The following ARID2 variants were observed in gnomAD, a reference collection of about 807,000 sequenced individuals.
ARID2 encodes the protein AT-rich interaction domain 2.
In ARID2, 32 loss-of-function variants were observed where a neutral mutation model predicts 184.6. That is an observed-to-expected ratio of 0.17 (90% CI 0.13 to 0.23). The LOEUF is 0.23. Ranked by LOEUF, ARID2 falls within the 10% of genes least tolerant of loss-of-function variation. ARID2 has a pLI of 1.00. For synonymous variants in ARID2, 836 were observed against 772.6 expected, an observed-to-expected ratio of 1.08 and a Z score of -1.36; for missense variants, 1,696 against 2,197.6, an observed-to-expected ratio of 0.77 and a Z score of 4.56.
At position 45,907,122 on chromosome 12, in the gene ARID2, C is replaced by T. The variant is rs1011726358; in HGVS notation, c.*2044C>T. On this transcript the variant is annotated 3_prime_UTR_variant, in exon 21 of 21. Transcript: ENST00000334344. ...AAGGTTGTGGAATTTATGCTTGGCC[C>T]ACCTTCCAAGACTGGCACTGCCCAA... The T allele has an allele frequency of 2.6e-5, 6 of 232,586 alleles. No homozygotes were observed. The highest frequency in any genetic ancestry group is 5.1e-5 in the Non-Finnish European group (6 of 117,742). The allele number at this position is 232,586 out of a possible 1,614,324, so 14.4% of individuals were successfully genotyped here.
At position 45,850,746 on chromosome 12, in the gene ARID2, G is replaced by A. The variant is rs760125078; in HGVS notation, c.2623G>A (p.Gly875Arg). Reference protein sequence around the residue: ...TSVQNFQVATGQMVTIAGVPS... With the variant: ...TSVQNFQVATRQMVTIAGVPS... ...AGTACAGAATTTTCAGGTAGCTACA[G>A]GACAAATGGTTACTATTGCTGGTGT... The change falls in exon 15 of 21, where the codon GGA becomes AGA. Residue 875 changes from glycine (G) to arginine (R), a missense_variant. This residue lies in a region of ARID2 where 713 missense variants were observed against 824.4 expected (regional missense o/e 0.86). Coordinates refer to ENST00000334344, the MANE Select transcript of ARID2 (RefSeq NM_152641.4). 4.3e-6 allele frequency: 7 copies of A among 1,613,938 alleles called. No individual in the cohort carries two copies. In the Admixed American group the frequency reaches 1.2e-4, roughly 27 times the overall value.
At chr12:45,832,426 G>C (rs1418441080) in intron 6 of ARID2, among the ~76,000 whole-genome samples, 1 of 151,994 alleles carries the variant, frequency 6.6e-6, no homozygotes, top group Non-Finnish European at 1.5e-5. Flanking sequence ...AAAATTTGGA[G>C]AGTTTTTCAC....
chr12:45,773,953 T>TC (rs1941929602), intron 3 of ARID2, among the ~76,000 whole-genome samples: 1 of 152,104 alleles, frequency 6.6e-6, no homozygotes, highest in Non-Finnish European at 1.5e-5. Flanking sequence ...TTATTTATCT[T>TC]CCCCTGTGAC....
intron 3 of ARID2, among the ~76,000 whole-genome samples, chr12:45,734,371 A>AAAAAT (rs919093651): frequency 2.6e-5 from 4 of 152,288 alleles, no homozygotes; most frequent in Admixed American, 6.5e-5. Flanking sequence ...TCTTTCTCAA[A>AAAAAT]AAAATAAAAT....
intron 3 of ARID2, among the ~76,000 whole-genome samples, chr12:45,800,966 C>T (rs922225630): frequency 6.6e-6 from 1 of 151,896 alleles, no homozygotes; most frequent in Admixed American, 6.6e-5. Context: ...AGTAAATAAA[C>T]GAGAGAGGAT....
chr12:45,776,552 G>GT (rs1941983477), intron 3 of ARID2, among the ~76,000 whole-genome samples: 1 of 152,198 alleles, frequency 6.6e-6, no homozygotes, highest in African/African-American at 2.4e-5. Context: ...ATCCTGTACT[G>GT]TGGGAGTATG....
intron 3 of ARID2, among the ~76,000 whole-genome samples, chr12:45,783,865 C>T (rs560383580): frequency 1.5e-4 from 20 of 136,580 alleles, no homozygotes; most frequent in African/African-American, 4.0e-4. Context: ...TAAACAAAGA[C>T]GAGAAAATTA....
intron 3 of ARID2, among the ~76,000 whole-genome samples, chr12:45,766,380 C>G (rs1451638611): frequency 2.0e-5 from 3 of 151,756 alleles, no homozygotes; most frequent in South Asian, 2.1e-4. Context: ...ATTGGCCGAG[C>G]TGGTCTTGAA....
chr12:45,858,809 A>G (rs919969608), intron 15 of ARID2, among the ~76,000 whole-genome samples: 5 of 152,258 alleles, frequency 3.3e-5, no homozygotes, highest in African/African-American at 7.2e-5. Flanking sequence ...TCCTCATCCT[A>G]TTTGTGATAT....
At chr12:45,857,585 G>A (rs753332750) in intron 15 of ARID2, among the ~76,000 whole-genome samples, 2 of 152,174 alleles carry the variant, frequency 1.3e-5, no homozygotes, top group Non-Finnish European at 1.5e-5. Context: ...ATGAGGAAAT[G>A]TTAGAGCTGA....
intron 5 of ARID2, among the ~76,000 whole-genome samples, chr12:45,820,759 A>C (rs1283163839): frequency 3.3e-5 from 5 of 152,340 alleles, no homozygotes; most frequent in Non-Finnish European, 7.3e-5. Context: ...AAAATAACAC[A>C]GGATGTACTT....
At chr12:45,809,769 TTTAA>T (rs1942669269) in intron 3 of ARID2, among the ~76,000 whole-genome samples, 1 of 152,218 alleles carries the variant, frequency 6.6e-6, no homozygotes, top group African/African-American at 2.4e-5. Context: ...AAAGGGACAG[TTTAA>T]TTCTTTTCCA....
chr12:45,842,010 C>G (rs1943349669), intron 11 of ARID2: 1 of 152,032 alleles, frequency 6.6e-6, no homozygotes, highest in Non-Finnish European at 1.5e-5. Context: ...ATAATCCCAG[C>G]ACTTTGGGAG....
rs771332266 is a variant in ARID2 at position 45,850,075 on chromosome 12, A to T, written c.1952A>T (p.Gln651Leu). The change falls in exon 15 of 21, where the codon CAG (glutamine) becomes CTG (leucine). Residue 651 changes from glutamine to leucine, a missense_variant. Physicochemically the swap from Gln to Leu is moderately radical, Grantham distance 113 (BLOSUM62 -2). This residue lies in a region of ARID2 where 713 missense variants were observed against 824.4 expected (regional missense o/e 0.86). Coordinates refer to ENST00000334344, the MANE Select transcript of ARID2 (RefSeq NM_152641.4). ...HGSQTIGNHF[Q>L]RTPVANQSSN... is the part of the protein sequence containing the mutation. The stretch of plus-strand genomic sequence containing the variant: ...TCACAAACCATAGGAAACCATTTTC[A>T]GAGGACTCCTGTTGCCAACCAATCT... 1 of 1,613,850 alleles carries T rather than the reference A, an allele frequency of 6.2e-7. No homozygotes were observed. Among genetic ancestry groups the T allele is most frequent in the South Asian group, 1.1e-5 (1 of 91,050 alleles).
intron 3 of ARID2, among the ~76,000 whole-genome samples, chr12:45,786,896 A>G (rs903048772): frequency 4.0e-4 from 61 of 152,328 alleles, no homozygotes; most frequent in African/African-American, 1.4e-3. Context: ...CAGAAACACA[A>G]ATACTGCATG....
chr12:45,835,942 G>A (rs1393060729), intron 6 of ARID2, among the ~76,000 whole-genome samples: 3 of 151,510 alleles, frequency 2.0e-5, no homozygotes, highest in Non-Finnish European at 2.9e-5. Flanking sequence ...CAAATTTCCA[G>A]TAGTGTTTAA....
chr12:45,863,211 A>G (rs1447483383), intron 16 of ARID2, among the ~76,000 whole-genome samples: 1 of 152,204 alleles, frequency 6.6e-6, no homozygotes, highest in East Asian at 1.9e-4. Context: ...GCTAAAATAA[A>G]CCTGTCAGAA....
intron 15 of ARID2, among the ~76,000 whole-genome samples, chr12:45,859,796 C>T (rs773932736): frequency 7.8e-4 from 118 of 152,248 alleles, no homozygotes; most frequent in Non-Finnish European, 1.5e-3. Flanking sequence ...TGAAGTGGAG[C>T]GATCTCAGCT....
At position 45,748,572 on chromosome 12, in the gene ARID2, A is replaced by G. The variant is rs867241923; in HGVS notation, c.284+17258A>G. Among the ~76,000 whole-genome samples the G allele has an allele frequency of 8.5e-5, 13 of 152,270 alleles. No homozygotes were observed. The East Asian group carries it at 1.2e-3, about 14-fold the overall frequency. Reference sequence around the variant, plus strand: ...GATGTGGAAATTTCTTAAGACAACAATGAAGTTTGCTGCATCGATCAACTC... The same window carrying G: ...GATGTGGAAATTTCTTAAGACAACAGTGAAGTTTGCTGCATCGATCAACTC... On this transcript the variant is annotated intron_variant, in intron 3 of 20. Coordinates refer to ENST00000334344, the MANE Select transcript of ARID2 (RefSeq NM_152641.4).
Sources: allele counts gnomAD v4.1 joint callset (sites outside exome capture counted in the v4.1 genomes callset), GRCh38; gene constraint gnomAD v4.1.1; regional missense constraint gnomAD v4.1.1; transcripts MANE v1.5; gene names NCBI Gene and HGNC (gene_info 2026-07-23, HGNC 2026-07-21).